The following DOCK4 variants were observed in gnomAD, a reference collection of about 807,000 sequenced individuals.
DOCK4 encodes the protein dedicator of cytokinesis protein 4.
In DOCK4, 97 loss-of-function variants were observed where a neutral mutation model predicts 268.1. The observed-to-expected ratio is 0.36, with a 90% CI of 0.31 to 0.43. The LOEUF is 0.43. Among genes scored for constraint, DOCK4 ranks in the 20% least tolerant of loss-of-function variants. The pLI is 1.00. For synonymous variants in DOCK4, 954 were observed against 887.2 expected (o/e 1.08, Z -1.34); for missense variants, 2,145 against 2,455.7 (o/e 0.87, Z 2.67).
chr7:111,834,736 A>G, intron 25 of DOCK4, 50 bp from the exon 26 acceptor site: 1 of 1,280,160 alleles, frequency 7.8e-7, no homozygotes, highest in East Asian at 2.5e-5. Context: ...TAAGGACGTA[A>G]AAGAACATCA....
chr7:111,739,798 G>A (rs567256238), intron 47 of DOCK4: 13 of 371,572 alleles, frequency 3.5e-5, no homozygotes, highest in African/African-American at 1.3e-4. Flanking sequence ...AGGCGAGTGC[G>A]TCTAAAAGGC....
At chr7:111,759,598 T>A (rs1297722947) in intron 40 of DOCK4, among the ~76,000 whole-genome samples, 2 of 151,916 alleles carry the variant, frequency 1.3e-5, no homozygotes, top group South Asian at 2.1e-4. Context: ...CAGAAAAGAG[T>A]GCTGGGGTGA....
At chr7:112,066,557 C>CTTATATATACACGTGT (rs1806964802) in intron 1 of DOCK4, among the ~76,000 whole-genome samples, 1 of 139,110 alleles carries the variant, frequency 7.2e-6, no homozygotes, top group Admixed American at 6.9e-5. Context: ...CACATATATA[C>CTTATATATACACGTGT]GTATATATAC....
At chr7:111,848,235 T>G (rs1804270277) in intron 23 of DOCK4, among the ~76,000 whole-genome samples, 1 of 152,214 alleles carries the variant, frequency 6.6e-6, no homozygotes, top group African/African-American at 2.4e-5. Context: ...TCCCATACCT[T>G]ATCTTCCAAA....
chr7:112,179,708 A>G (rs1818857171), intron 1 of DOCK4, among the ~76,000 whole-genome samples: 1 of 152,228 alleles, frequency 6.6e-6, no homozygotes, highest in South Asian at 2.1e-4. Flanking sequence ...ACACCCTACA[A>G]AAACCCAGCT....
chr7:111,748,368 C>T (rs1011192879), intron 42 of DOCK4, among the ~76,000 whole-genome samples: 2 of 151,924 alleles, frequency 1.3e-5, no homozygotes, highest in Non-Finnish European at 2.9e-5. Flanking sequence ...ACATGTGTAA[C>T]CATCAAAAAG....
At chr7:111,917,615 A>G (rs540091387) in intron 12 of DOCK4, among the ~76,000 whole-genome samples, 1 of 151,834 alleles carries the variant, frequency 6.6e-6, no homozygotes, top group African/African-American at 2.4e-5. Flanking sequence ...CTGAGGTAGG[A>G]GAATGGCGTG....
intron 1 of DOCK4, among the ~76,000 whole-genome samples, chr7:112,086,031 G>A (rs913087467): frequency 6.6e-6 from 1 of 151,900 alleles, no homozygotes; most frequent in East Asian, 1.9e-4. Flanking sequence ...ATGACAATTT[G>A]GTTAAAAAAA....
At chr7:112,025,542 C>T (rs979069706) in intron 1 of DOCK4, among the ~76,000 whole-genome samples, 1 of 152,104 alleles carries the variant, frequency 6.6e-6, no homozygotes, top group Non-Finnish European at 1.5e-5. Flanking sequence ...AATGATAGCT[C>T]CTGCCTCTCA....
In DOCK4 at chr7:111,790,214, A is replaced by C. The variant is rs796250119; in HGVS notation, c.3315+243T>G. Among the ~76,000 whole-genome samples, 11 of 152,262 alleles carry C rather than the reference A, an allele frequency of 7.2e-5. No individual in the cohort carries two copies. The South Asian group carries it at 2.3e-3, about 32-fold the overall frequency. On this transcript the variant is annotated intron_variant, in intron 31 of 52. Coordinates refer to ENST00000428084, the MANE Select transcript of DOCK4 (RefSeq NM_001363540.2). ...CAAGTTCTTAAATACAGATCTGGGA[A>C]ATCACAAAATTTTTCAGCTGAAAAG...
intron 40 of DOCK4, among the ~76,000 whole-genome samples, chr7:111,759,402 C>T: frequency 6.6e-6 from 1 of 152,216 alleles, no homozygotes; most frequent in East Asian, 1.9e-4. Context: ...AAAGGAGTAT[C>T]ATATTAACTT....
rs567826793 is a variant in DOCK4 at position 112,150,480 on chromosome 7, C to G, written c.37+55622G>C. On this transcript the variant is annotated intron_variant, in intron 1 of 52. Transcript: ENST00000428084. Reference sequence around the variant, plus strand: ...CGTCCTGTCTTGCTTTACCCCCACACGTAGTCCTGTGTCAAGTTATTTCCT... The same window carrying G: ...CGTCCTGTCTTGCTTTACCCCCACAGGTAGTCCTGTGTCAAGTTATTTCCT... 2.6e-5 allele frequency among the ~76,000 whole-genome samples: 4 copies of G among 152,246 alleles called. No homozygotes were observed. The East Asian group carries it at 5.8e-4, about 22-fold the overall frequency.
intron 1 of DOCK4, among the ~76,000 whole-genome samples, chr7:112,096,208 T>C (rs1810119365): frequency 6.6e-6 from 1 of 152,136 alleles, no homozygotes; most frequent in South Asian, 2.1e-4. Flanking sequence ...CAAAGTCTTA[T>C]TCTGTTCTTC....
intron 16 of DOCK4, among the ~76,000 whole-genome samples, chr7:111,881,900 G>C (rs1011144424): frequency 2.0e-5 from 3 of 152,172 alleles, no homozygotes; most frequent in African/African-American, 7.2e-5. Context: ...TCATGGAGAT[G>C]GAGAGTAGGG....
intron 16 of DOCK4, among the ~76,000 whole-genome samples, chr7:111,894,784 C>T (rs1808598863): frequency 6.6e-6 from 1 of 152,118 alleles, no homozygotes; most frequent in African/African-American, 2.4e-5. Context: ...CCTGAGATGC[C>T]TGGGATTTAT....
intron 1 of DOCK4, among the ~76,000 whole-genome samples, chr7:112,040,429 A>C (rs2135503509): frequency 6.6e-6 from 1 of 152,354 alleles, no homozygotes. Flanking sequence ...TAACTGCATG[A>C]AAAACTGATC....
intron 16 of DOCK4, among the ~76,000 whole-genome samples, chr7:111,890,905 A>G (rs1243439931): frequency 6.6e-6 from 1 of 152,242 alleles, no homozygotes; most frequent in Non-Finnish European, 1.5e-5. Flanking sequence ...TATTCTCTGT[A>G]TCATATCTCC....
chr7:111,733,521 G>C (rs1425273961), intron 51 of DOCK4, among the ~76,000 whole-genome samples: 2 of 152,194 alleles, frequency 1.3e-5, no homozygotes, highest in African/African-American at 4.8e-5. Flanking sequence ...CATCTGTATG[G>C]AGAAGCTGAT....
intron 1 of DOCK4, among the ~76,000 whole-genome samples, chr7:112,200,162 C>T (rs939830337): frequency 6.6e-6 from 1 of 152,142 alleles, no homozygotes; most frequent in Non-Finnish European, 1.5e-5. Context: ...GTTTTTCAAA[C>T]TGTGGGTCAG....
Sources: gnomAD v4.1 joint callset for allele counts (sites outside exome capture counted in the v4.1 genomes callset) on GRCh38, gnomAD v4.1.1 for gene constraint, MANE v1.5 for transcripts, NCBI Gene and HGNC (gene_info 2026-07-23, HGNC 2026-07-21) for gene names.